DGKI: variants seen among roughly 807,000 people sequenced by gnomAD.
DGKI encodes the protein diacylglycerol kinase iota, also known as DAG kinase iota.
DGKI carries 55 observed loss-of-function variants against 147.5 expected under a neutral mutation model. That is an observed-to-expected ratio of 0.37 (90% confidence interval 0.30 to 0.47). The LOEUF (loss-of-function observed/expected upper bound fraction) is 0.47, where lower values mean the gene tolerates loss of function less well. DGKI is among the 20% of genes least tolerant of loss of function. The probability of loss-of-function intolerance (pLI) is 1.00; values close to 1 mark genes in which losing one functional copy is unlikely to be tolerated. For missense variants in DGKI, 1,007 were observed against 1,323.8 expected, an observed-to-expected ratio of 0.76 and a Z score of 3.71; for synonymous variants, 469 against 477.1, an observed-to-expected ratio of 0.98 and a Z score of 0.22.
At chr7:137,694,706 G>A (rs769614208) in intron 1 of DGKI, among the ~76,000 whole-genome samples, 1 of 152,180 alleles carries the variant, frequency 6.6e-6, no homozygotes, top group Non-Finnish European at 1.5e-5. Context: ...ATCACCTAGT[G>A]TGTTGTTGTC....
At chr7:137,746,017 T>C (rs772117092) in intron 1 of DGKI, among the ~76,000 whole-genome samples, 19 of 152,098 alleles carry the variant, frequency 1.2e-4, no homozygotes, top group Admixed American at 3.3e-4. Flanking sequence ...TTGGTTCAAT[T>C]CACAGTTTCA....
chr7:137,692,759 TG>T (rs1563153328), intron 1 of DGKI, among the ~76,000 whole-genome samples: 1 of 152,240 alleles, frequency 6.6e-6, no homozygotes, highest in African/African-American at 2.4e-5. Context: ...TTTTCTAGCC[TG>T]GGAATAGAAA....
chr7:137,599,212 A>G (rs1288537534), intron 11 of DGKI, among the ~76,000 whole-genome samples: 1 of 152,154 alleles, frequency 6.6e-6, no homozygotes. Context: ...AAAGGAGAGA[A>G]GCAGGATATG....
chr7:137,517,526 GATAGAAATTCCAAAGGTTTAGTTA>G (rs1418566283), intron 21 of DGKI, among the ~76,000 whole-genome samples: 3 of 152,072 alleles, frequency 2.0e-5, no homozygotes, highest in Admixed American at 6.6e-5. Flanking sequence ...TTGATCCTGG[GATAGAAATTCCAAAGGTTTAGTTA>G]ATAGTAATGT....
chr7:137,545,043 T>C (rs1239723568), intron 20 of DGKI, among the ~76,000 whole-genome samples: 1 of 152,182 alleles, frequency 6.6e-6, no homozygotes, highest in Non-Finnish European at 1.5e-5. Context: ...AAACATGAAC[T>C]TTGAAGCCAG....
At chr7:137,530,761 G>C (rs967592) in intron 20 of DGKI, among the ~76,000 whole-genome samples, 5,596 of 152,104 alleles carry the variant, frequency 0.037, 262 homozygotes, top group East Asian at 0.11. Flanking sequence ...CCACTCAAAA[G>C]AATTTGGTTC....
intron 23 of DGKI, among the ~76,000 whole-genome samples, chr7:137,472,148 T>C (rs1814938524): frequency 1.6e-5 from 2 of 122,612 alleles, no homozygotes; most frequent in African/African-American, 6.4e-5. Context: ...TATGTGTATA[T>C]ACATATAAAT....
chr7:137,746,063 G>T (rs1175023750), intron 1 of DGKI, among the ~76,000 whole-genome samples: 1 of 152,114 alleles, frequency 6.6e-6, no homozygotes, highest in African/African-American at 2.4e-5. Flanking sequence ...GGGGGATACT[G>T]TATCTATTTA....
chr7:137,723,955 A>G (rs1794644637), intron 1 of DGKI, among the ~76,000 whole-genome samples: 1 of 151,586 alleles, frequency 6.6e-6, no homozygotes, highest in African/African-American at 2.4e-5. Flanking sequence ...TGATCCGCCC[A>G]CCTCGGCCTC....
chr7:137,422,251 G>C (rs748745652), intron 28 of DGKI, among the ~76,000 whole-genome samples: 7 of 152,188 alleles, frequency 4.6e-5, no homozygotes, highest in Non-Finnish European at 1.0e-4. Context: ...CAGAATCACA[G>C]CATGTCACTT....
intron 1 of DGKI, among the ~76,000 whole-genome samples, chr7:137,804,646 A>C (rs1330555570): frequency 1.3e-5 from 2 of 152,106 alleles, no homozygotes; most frequent in South Asian, 2.1e-4. Flanking sequence ...GTACAGAGGC[A>C]CTCCTCTCGA....
Position 137,640,028 on chromosome 7 carries a change from TAAG to T in DGKI, c.804+5441_804+5443del, listed in dbSNP as rs993486319. Among the ~76,000 whole-genome samples, 62 of 151,670 alleles carry T rather than the reference TAAG, an allele frequency of 4.1e-4. 1 individual carries two copies. The highest frequency in any genetic ancestry group is 1.4e-3 in the African/African-American group (60 of 41,394). ...TAGGTTTTTTTTTTTTTGGTGGTGGTAAGAAGACTTAACAGCACAACCCTCTCA... is the reference window on the plus strand; with the variant it reads ...TAGGTTTTTTTTTTTTTGGTGGTGGTAAGACTTAACAGCACAACCCTCTCA... On this transcript the variant is annotated intron_variant, in intron 6 of 32. Transcript: ENST00000614521.
At chr7:137,704,026 C>A (rs1793918497) in intron 1 of DGKI, among the ~76,000 whole-genome samples, 1 of 152,072 alleles carries the variant, frequency 6.6e-6, no homozygotes. Context: ...GCCTGGCCAA[C>A]ATGTTGAAAC....
intron 12 of DGKI, 149 bp from the exon 13 acceptor site, chr7:137,587,359 C>G: frequency 1.8e-6 from 1 of 560,772 alleles, no homozygotes; most frequent in South Asian, 3.7e-5. Context: ...GAGTAGGGAA[C>G]AGAAAGGTCG....
chr7:137,458,792 G>C (rs905157698), intron 27 of DGKI, among the ~76,000 whole-genome samples: 1 of 152,052 alleles, frequency 6.6e-6, no homozygotes, highest in African/African-American at 2.4e-5. Context: ...ATATAGTCTT[G>C]TCACTAATCG....
Position 137,390,882 on chromosome 7 carries a change from A to G in DGKI, c.*338T>C. On this transcript the variant is annotated 3_prime_UTR_variant, in exon 33 of 33. Coordinates refer to ENST00000614521, the MANE Select transcript of DGKI (RefSeq NM_001321708.2). ...CCAATGCATAGGGGGAGGATGGAGCAGTGCCATTTATACGAACATCCTTTG... is the reference window on the plus strand; with the variant it reads ...CCAATGCATAGGGGGAGGATGGAGCGGTGCCATTTATACGAACATCCTTTG... 3.5e-6 allele frequency: 1 copy of G among 286,756 alleles called. No individual in the cohort carries two copies. Among genetic ancestry groups the G allele is most frequent in the South Asian group, 3.8e-5 (1 of 26,552 alleles). 17.8% of individuals were successfully genotyped at this position (286,756 alleles called of 1,614,324 possible).
chr7:137,739,958 C>T (rs1427223653), intron 1 of DGKI, among the ~76,000 whole-genome samples: 1 of 152,160 alleles, frequency 6.6e-6, no homozygotes. Context: ...AGTGATTCCG[C>T]TCCACCATGT....
Position 137,412,155 on chromosome 7 carries a change from A to G in DGKI, c.2799+15T>C, listed in dbSNP as rs747865968. On this transcript the variant is annotated intron_variant, in intron 29 of 32. Coordinates refer to ENST00000614521, the MANE Select transcript of DGKI (RefSeq NM_001321708.2). ...CTTAAAGCATCGCCAAAGATTTGGT[A>G]GGAAGATATCTTACCTTCATAAGAT... The G allele has an allele frequency of 6.2e-7, 1 of 1,612,692 alleles. No individual in the cohort carries two copies. Among genetic ancestry groups the G allele is most frequent in the South Asian group, 1.1e-5 (1 of 91,056 alleles).
At chr7:137,674,544 T>C (rs1315437528) in intron 3 of DGKI, among the ~76,000 whole-genome samples, 1 of 152,220 alleles carries the variant, frequency 6.6e-6, no homozygotes, top group Non-Finnish European at 1.5e-5. Context: ...GTTTAGACAA[T>C]GTATTCTATA....
Sources: allele counts gnomAD v4.1 joint callset (sites outside exome capture counted in the v4.1 genomes callset), GRCh38; gene constraint gnomAD v4.1.1; transcripts MANE v1.5; gene names NCBI Gene and HGNC (gene_info 2026-07-23, HGNC 2026-07-21).